Variants in NIPBL observed in about 807,000 individuals in gnomAD.
NIPBL encodes the protein nipped-B-like protein.
A neutral mutation model predicts 321.8 loss-of-function variants in NIPBL; 19 were observed. That is an observed-to-expected ratio of 0.06 (90% CI 0.04 to 0.09). The LOEUF is 0.09. Among genes scored for constraint, NIPBL ranks in the 10% least tolerant of loss-of-function variants. NIPBL has a pLI of 1.00. For missense variants in NIPBL, 2,210 were observed against 3,327.0 expected, an observed-to-expected ratio of 0.66 and a Z score of 8.26; for synonymous variants, 1,106 against 1,114.1, an observed-to-expected ratio of 0.99 and a Z score of 0.14.
chr5:36,950,929 G>A (rs1740218652), intron 1 of NIPBL, among the ~76,000 whole-genome samples: 1 of 152,048 alleles, frequency 6.6e-6, no homozygotes. Context: ...TAAAAGCTGT[G>A]ACTTTAGCTA....
chr5:36,954,922 ATAAG>A (rs989940157), intron 2 of NIPBL: 67 of 153,818 alleles, frequency 4.4e-4, no homozygotes, highest in African/African-American at 1.5e-3. Context: ...TTAGAAGAGA[ATAAG>A]TAGGAGACAA....
intron 44 of NIPBL, among the ~76,000 whole-genome samples, chr5:37,059,869 G>A (rs1754480064): frequency 6.6e-6 from 1 of 152,126 alleles, no homozygotes; most frequent in Non-Finnish European, 1.5e-5. Context: ...GAGAGAAAAG[G>A]TACAGCTATT....
chr5:36,905,834 C>T (rs1034341628), intron 1 of NIPBL, among the ~76,000 whole-genome samples: 1 of 151,968 alleles, frequency 6.6e-6, no homozygotes, highest in Non-Finnish European at 1.5e-5. Flanking sequence ...AGCTCCGCCT[C>T]CCGGGTTCAC....
intron 3 of NIPBL, 111 bp downstream of exon 3, chr5:36,955,748 TA>T: frequency 1.2e-6 from 1 of 806,090 alleles, no homozygotes; most frequent in East Asian, 2.6e-5. Context: ...GTTTATTTTT[TA>T]AAAATATCCA....
chr5:37,018,381 C>T (rs973584381), intron 24 of NIPBL, among the ~76,000 whole-genome samples: 13 of 152,164 alleles, frequency 8.5e-5, no homozygotes, highest in African/African-American at 2.9e-4. Context: ...ATGCTCAAAT[C>T]GTCCTAGATT....
intron 22 of NIPBL, 70 bp downstream of exon 22, chr5:37,014,835 G>C: frequency 1.1e-6 from 1 of 919,566 alleles, no homozygotes. Context: ...TTTTTAAAAA[G>C]ATGAATCCAA....
chr5:36,882,133 A>G (rs1472036458), intron 1 of NIPBL, among the ~76,000 whole-genome samples: 6 of 151,990 alleles, frequency 3.9e-5, no homozygotes, highest in African/African-American at 1.4e-4. Flanking sequence ...ACAACCTTAT[A>G]GGAATTCCTT....
chr5:37,019,267 A>G lies in NIPBL; in HGVS notation c.4921-44A>G, dbSNP rs766903394. ...TTACAATTAGGTGATTTATTAAAGC[A>G]CACCAGTAATATCTTTTTTGTTCTT... is the stretch of plus-strand genomic sequence containing the variant. On this transcript the variant is annotated intron_variant, in intron 24 of 46. Coordinates refer to ENST00000282516, the MANE Select transcript of NIPBL (RefSeq NM_133433.4). 3.7e-5 allele frequency: 46 copies of G among 1,226,984 alleles called. No individual in the cohort carries two copies. The South Asian group carries it at 5.1e-4, about 13-fold the overall frequency. 76.0% of individuals were successfully genotyped at this position (1,226,984 alleles called of 1,614,324 possible). A position where few individuals can be genotyped will look rare whatever the true frequency, so the allele number is the denominator to read the frequency against.
intron 32 of NIPBL, among the ~76,000 whole-genome samples, chr5:37,031,227 C>G (rs1349335201): frequency 1.3e-5 from 2 of 152,120 alleles, no homozygotes; most frequent in Non-Finnish European, 2.9e-5. Context: ...CTCAGGTGAT[C>G]TGCCCACCTT....
Position 37,008,685 on chromosome 5 carries a change from A to G in NIPBL, c.4383A>G (p.Ala1461=), listed in dbSNP as rs1181522760. ...TGGAAGAAATTTTTACTTCACTTGC[A>G]AGATTACCAACCAGCAAGAGGAGTT... ...LILEEIFTSL[A]RLPTSKRSLR... The change falls in exon 20 of 47, where the codon GCA becomes GCG. Residue 1461 remains alanine (A), a synonymous_variant. Transcript: ENST00000282516. The G allele has an allele frequency of 6.2e-7, 1 of 1,606,898 alleles. No homozygotes were observed. Among genetic ancestry groups the G allele is most frequent in the South Asian group, 1.1e-5 (1 of 90,904 alleles).
intron 38 of NIPBL, 47 bp from the exon 39 acceptor site, chr5:37,048,455 T>G: frequency 1.7e-6 from 2 of 1,165,930 alleles, no homozygotes; most frequent in Non-Finnish European, 2.4e-6. Flanking sequence ...AATGTTTTAT[T>G]TAATTTTAAT....
intron 17 of NIPBL, 27 bp from the exon 18 acceptor site, chr5:37,007,296 C>T (rs769044639): frequency 1.3e-6 from 2 of 1,598,460 alleles, no homozygotes; most frequent in Admixed American, 3.4e-5. Context: ...TTGATGTTTT[C>T]CTTATCTTGA....
At chr5:37,015,831 T>G (rs1357589937) in intron 22 of NIPBL, among the ~76,000 whole-genome samples, 1 of 152,222 alleles carries the variant, frequency 6.6e-6, no homozygotes, top group Non-Finnish European at 1.5e-5. Context: ...TATTGCTTAA[T>G]AAATGAATTC....
intron 25 of NIPBL, among the ~76,000 whole-genome samples, chr5:37,019,734 G>T (rs2149695582): frequency 6.6e-6 from 1 of 152,200 alleles, no homozygotes; most frequent in Non-Finnish European, 1.5e-5. Context: ...CTATAAGCCT[G>T]TAAAAATAAA....
chr5:36,903,915 A>G (rs1226738385), intron 1 of NIPBL, among the ~76,000 whole-genome samples: 1 of 152,226 alleles, frequency 6.6e-6, no homozygotes, highest in African/African-American at 2.4e-5. Context: ...AAATAAGCAG[A>G]CAGATTTATA....
In NIPBL at chr5:37,065,234, C is replaced by G. The variant is rs1755261491; in HGVS notation, c.*342C>G. ...TTAATAAAGTGTTCTTGGAGTTTAA[C>G]CTAGCAGCGGATGGCTTTCTTTAGC... On this transcript the variant is annotated 3_prime_UTR_variant, in exon 47 of 47. Coordinates refer to ENST00000282516, the MANE Select transcript of NIPBL (RefSeq NM_133433.4). 1.4e-5 allele frequency: 4 copies of G among 279,822 alleles called. No homozygotes were observed. Among genetic ancestry groups the G allele is most frequent in the Non-Finnish European group, 2.7e-5 (4 of 145,668 alleles). The allele number at this position is 279,822 out of a possible 1,614,324, so 17.3% of individuals were successfully genotyped here.
At chr5:36,988,276 G>A (rs1483239260) in intron 10 of NIPBL, among the ~76,000 whole-genome samples, 3 of 152,008 alleles carry the variant, frequency 2.0e-5, no homozygotes, top group Admixed American at 2.0e-4. Context: ...TACCTGATAT[G>A]GTCATGTTAG....
rs537701741 is a variant in NIPBL at position 36,938,485 on chromosome 5, T to A, written c.-79-15133T>A. On this transcript the variant is annotated intron_variant, in intron 1 of 46. Coordinates refer to ENST00000282516, the MANE Select transcript of NIPBL (RefSeq NM_133433.4). ...GGTAGTTTCTTGACTAATTATGTAA[T>A]TTTTTGAGTTTGAAATTATATCAAA... 5.9e-5 allele frequency among the ~76,000 whole-genome samples: 9 copies of A among 152,282 alleles called. No individual in the cohort carries two copies. The South Asian group carries it at 1.9e-3, about 32-fold the overall frequency.
chr5:36,947,818 C>T (rs1468502482), intron 1 of NIPBL, among the ~76,000 whole-genome samples: 1 of 151,738 alleles, frequency 6.6e-6, no homozygotes, highest in Non-Finnish European at 1.5e-5. Context: ...AGCATATACC[C>T]GACCCCTAAT....
Sources: allele counts gnomAD v4.1 joint callset (sites outside exome capture counted in the v4.1 genomes callset), GRCh38; gene constraint gnomAD v4.1.1; transcripts MANE v1.5; gene names NCBI Gene and HGNC (gene_info 2026-07-23, HGNC 2026-07-21).